Variants in AASDH observed in about 807,000 individuals in gnomAD.
AASDH encodes beta-alanine-activating enzyme.
In AASDH, 81 loss-of-function variants were observed where a neutral mutation model predicts 102.3. That is an observed-to-expected ratio of 0.79 (90% CI 0.66 to 0.95). The LOEUF (loss-of-function observed/expected upper bound fraction) is 0.95, where lower values mean the gene tolerates loss of function less well. Among genes scored for constraint, AASDH ranks in the 40% least tolerant of loss-of-function variants. AASDH has a pLI of 0.00. For synonymous variants in AASDH, 398 were observed against 454.0 expected, an observed-to-expected ratio of 0.88 and a Z score of 1.57; for missense variants, 1,203 against 1,266.2, an observed-to-expected ratio of 0.95 and a Z score of 0.76.
At chr4:56,357,959 T>C (rs1749811582) in intron 5 of AASDH, among the ~76,000 whole-genome samples, 1 of 152,034 alleles carries the variant, frequency 6.6e-6, no homozygotes, top group African/African-American at 2.4e-5. Flanking sequence ...CTCAACAATA[T>C]TAAAACTTCT....
At chr4:56,353,892 C>T (rs74676138) in intron 8 of AASDH, 147 bp downstream of exon 8, 18,024 of 716,588 alleles carry the variant, frequency 0.025, 283 homozygotes, top group South Asian at 0.041. Flanking sequence ...AAGGGGCACC[C>T]TGAATTATTC....
intron 11 of AASDH, among the ~76,000 whole-genome samples, chr4:56,346,708 TAG>T (rs1748368115): frequency 2.6e-5 from 4 of 152,286 alleles, no homozygotes; most frequent in Admixed American, 2.6e-4. Context: ...AAGATTTCAA[TAG>T]ACACTTCACA....
Position 56,349,815 on chromosome 4 carries a change from T to C in AASDH, c.1936A>G (p.Arg646Gly), listed in dbSNP as rs1748779711. 6.2e-6 allele frequency: 10 copies of C among 1,614,174 alleles called. No individual in the cohort carries two copies. The East Asian group carries it at 2.2e-4, about 36-fold the overall frequency. ...VTFRKSCATK[R>G]KLSDINQEEA... ...TCTTGATTAATGTCGCTGAGTTTCC[T>C]TTTTGTGGCACAACTCTTCCTGAAT... is the stretch of plus-strand genomic sequence containing the variant. The change falls in exon 11 of 15, where the codon AGG (arginine) becomes GGG (glycine). Residue 646 changes from arginine to glycine, a missense_variant. Physicochemically the swap from Arg to Gly is moderately radical, Grantham distance 125. Transcript: ENST00000205214.
chr4:56,369,906 C>T (rs1170121946), intron 5 of AASDH, among the ~76,000 whole-genome samples: 1 of 149,738 alleles, frequency 6.7e-6, no homozygotes, highest in Admixed American at 6.7e-5. Context: ...TACCACTGTA[C>T]TCCAGGCTGG....
rs551870540 is a variant in AASDH at position 56,353,440 on chromosome 4, G to A, written c.1540C>T (p.Leu514Phe). Residue 514 changes from leucine to phenylalanine, a missense_variant, in exon 9 of 15, where the codon CTT becomes TTT. Transcript: ENST00000205214. The part of the protein sequence containing the change: ...YLPSHAVPDE[L>F]VLIDSLPFTS... Reference sequence around the variant, plus strand: ...AATGGTAGAGAGTCGATCAATACAAGCTCATCCGGGACTGCATGACTTGGA... The same window carrying A: ...AATGGTAGAGAGTCGATCAATACAAACTCATCCGGGACTGCATGACTTGGA... 1 of 1,613,130 alleles carries A rather than the reference G, an allele frequency of 6.2e-7. No individual in the cohort carries two copies. The highest frequency in any genetic ancestry group is 1.3e-5 in the African/African-American group (1 of 74,956).
At chr4:56,365,393 T>C (rs1487901989) in intron 5 of AASDH, among the ~76,000 whole-genome samples, 8 of 151,848 alleles carry the variant, frequency 5.3e-5, no homozygotes, top group Admixed American at 2.0e-4. Flanking sequence ...CAGAACTCTC[T>C]ACCCCAAATC....
At chr4:56,354,317 A>C in intron 7 of AASDH, 106 bp from the exon 8 acceptor site, 1 of 931,376 alleles carries the variant, frequency 1.1e-6, no homozygotes, top group South Asian at 3.4e-5. Context: ...CAAAATTTAA[A>C]TATTAAAAGA....
chr4:56,361,023 C>T (rs926975326), intron 5 of AASDH, among the ~76,000 whole-genome samples: 2 of 152,022 alleles, frequency 1.3e-5, no homozygotes, highest in Admixed American at 6.6e-5. Context: ...TTCACTAAGC[C>T]GAATTTCAAT....
intron 14 of AASDH, among the ~76,000 whole-genome samples, chr4:56,341,166 C>CA (rs1454054492): frequency 6.6e-6 from 1 of 152,038 alleles, no homozygotes; most frequent in African/African-American, 2.4e-5. Flanking sequence ...TACCCAAAGA[C>CA]AAAAAATCAG....
chr4:56,384,346 G>A lies in AASDH; in HGVS notation c.-42-5C>T, dbSNP rs897140276. The A allele has an allele frequency of 2.2e-5, 34 of 1,562,704 alleles. No homozygotes were observed. Among genetic ancestry groups the A allele is most frequent in the Non-Finnish European group, 2.9e-5 (33 of 1,135,340 alleles). On this transcript the variant is annotated splice_region_variant and splice_polypyrimidine_tract_variant and intron_variant, in intron 1 of 14. Coordinates refer to ENST00000205214, the MANE Select transcript of AASDH (RefSeq NM_181806.4). The stretch of plus-strand genomic sequence containing the variant: ...ATCAATTTGTAGCACAGAACCCTGT[G>A]TATATACAGAAGTGTTAGGGGGAGA...
chr4:56,387,271 G>A (rs1371906547), intron 1 of AASDH, 91 bp downstream of exon 1: 1 of 152,344 alleles, frequency 6.6e-6, no homozygotes, highest in Non-Finnish European at 1.5e-5. Flanking sequence ...CTGAAGCTGA[G>A]CAAATGTATG....
intron 3 of AASDH, among the ~76,000 whole-genome samples, chr4:56,380,980 T>C (rs2110004859): frequency 6.6e-6 from 1 of 152,324 alleles, no homozygotes. Context: ...CTGTGTTAAA[T>C]GAAGGAAGAA....
intron 5 of AASDH, among the ~76,000 whole-genome samples, chr4:56,363,074 A>G (rs371309962): frequency 6.6e-6 from 1 of 152,246 alleles, no homozygotes; most frequent in East Asian, 1.9e-4. Context: ...CCAGGAGATT[A>G]TATCCTACAC....
chr4:56,338,542 G>C lies in AASDH; in HGVS notation c.3157C>G (p.Gln1053Glu). 1 of 1,612,792 alleles carries C rather than the reference G, an allele frequency of 6.2e-7. No homozygotes were observed. Among genetic ancestry groups the C allele is most frequent in the South Asian group, 1.1e-5 (1 of 90,892 alleles). Residue 1053 changes from glutamine to glutamate, a missense_variant, in exon 15 of 15, where the codon CAG (glutamine) becomes GAG (glutamate). By Grantham distance (29) the Gln-to-Glu change is conservative (BLOSUM62 2). Coordinates refer to ENST00000205214, the MANE Select transcript of AASDH (RefSeq NM_181806.4). ...TDGKVWILES[Q>E]SGQLQSVYEL... ...TAAACACTTTGCAATTGTCCACTCT[G>C]AGATTCCAAGATCCACACTTTCCCA... is the stretch of plus-strand genomic sequence containing the variant.
At chr4:56,373,607 T>G (rs1184130429) in intron 4 of AASDH, among the ~76,000 whole-genome samples, 1 of 152,172 alleles carries the variant, frequency 6.6e-6, no homozygotes, top group African/African-American at 2.4e-5. Context: ...CATGCCAAAG[T>G]GCCATACGTT....
chr4:56,386,196 T>A (rs773823811), intron 1 of AASDH, among the ~76,000 whole-genome samples: 43 of 152,200 alleles, frequency 2.8e-4, no homozygotes, highest in Non-Finnish European at 5.6e-4. Context: ...CAAGATACAA[T>A]TTTAAGCTTT....
chr4:56,376,434 G>A lies in AASDH; in HGVS notation c.668+1714C>T, dbSNP rs142215799. Among the ~76,000 whole-genome samples, 513 of 152,120 alleles carry A rather than the reference G, an allele frequency of 3.4e-3. 3 individuals are homozygous for A. Among genetic ancestry groups the A allele is most frequent in the African/African-American group, 0.011 (461 of 41,502 alleles). ...ATTTGACTTTTGTTACCTCTATTTC[G>A]TTATCTCCTATTCTCTTATCTCCAG... On this transcript the variant is annotated intron_variant, in intron 4 of 14. Transcript: ENST00000205214.
chr4:56,349,421 G>C lies in AASDH; in HGVS notation c.2330C>G (p.Thr777Ser). The C allele has an allele frequency of 6.2e-7, 1 of 1,614,026 alleles. No individual in the cohort carries two copies. Among genetic ancestry groups the C allele is most frequent in the Non-Finnish European group, 8.5e-7 (1 of 1,180,016 alleles). Residue 777 changes from threonine to serine, a missense_variant, in exon 11 of 15, where the codon ACT (threonine) becomes AGT (serine). Coordinates refer to ENST00000205214, the MANE Select transcript of AASDH (RefSeq NM_181806.4). ...CACAGTTGTAGATGACTTATCAAAAGTGGGTATTACAACCAGCGGTGAAGC... is the reference window on the plus strand; with the variant it reads ...CACAGTTGTAGATGACTTATCAAAACTGGGTATTACAACCAGCGGTGAAGC... ...VDASPLVVIP[T>S]FDKSSTTVYI...
At chr4:56,377,211 A>T (rs1462483801) in intron 4 of AASDH, among the ~76,000 whole-genome samples, 1 of 152,210 alleles carries the variant, frequency 6.6e-6, no homozygotes, top group Non-Finnish European at 1.5e-5. Context: ...ACATAAAATT[A>T]CGTACATGTT....
Sources: allele counts gnomAD v4.1 joint callset (sites outside exome capture counted in the v4.1 genomes callset), GRCh38; gene constraint gnomAD v4.1.1; transcripts MANE v1.5; gene names NCBI Gene and HGNC (gene_info 2026-07-23, HGNC 2026-07-21).